The following ST6GALNAC3 variants were observed in gnomAD, a reference collection of about 807,000 sequenced individuals.
ST6GALNAC3 encodes ST6 N-acetylgalactosaminide alpha-2,6-sialyltransferase 3, also known as alpha-N-acetylgalactosaminide alpha-2,6-sialyltransferase 3.
In ST6GALNAC3, 25 loss-of-function variants were observed where a neutral mutation model predicts 32.7. The ratio of observed to expected loss-of-function variants is 0.76; its 90% CI spans 0.56 to 1.07. The LOEUF (loss-of-function observed/expected upper bound fraction) is 1.07. Among genes scored for constraint, ST6GALNAC3 ranks in the 50% least tolerant of loss-of-function variants. The pLI, the probability that ST6GALNAC3 is intolerant of heterozygous loss-of-function variation, is 0.00. For missense variants in ST6GALNAC3, 355 were observed against 382.4 expected (o/e 0.93, Z 0.60); for synonymous variants, 129 against 133.1 (o/e 0.97, Z 0.21).
intron 3 of ST6GALNAC3, among the ~76,000 whole-genome samples, chr1:76,534,295 A>G (rs987763896): frequency 2.0e-5 from 3 of 152,018 alleles, no homozygotes; most frequent in East Asian, 1.9e-4. Flanking sequence ...CACCCGCCTC[A>G]ACCTCCCAAA....
At chr1:76,250,545 C>A (rs368455864) in intron 1 of ST6GALNAC3, among the ~76,000 whole-genome samples, 24 of 152,272 alleles carry the variant, frequency 1.6e-4, no homozygotes, top group African/African-American at 5.8e-4. Context: ...CAGGAGGAAA[C>A]CTGAATTTCA....
chr1:76,083,772 C>CT (rs1003764919), intron 1 of ST6GALNAC3, among the ~76,000 whole-genome samples: 26 of 151,362 alleles, frequency 1.7e-4, no homozygotes, highest in South Asian at 4.2e-4. Flanking sequence ...ATATTTATAT[C>CT]TTTTTTTTTA....
At chr1:76,388,447 C>T (rs1241319621) in intron 2 of ST6GALNAC3, among the ~76,000 whole-genome samples, 1 of 152,170 alleles carries the variant, frequency 6.6e-6, no homozygotes, top group African/African-American at 2.4e-5. Context: ...AGAGGAAAAG[C>T]ACCACAGGAC....
Position 76,385,793 on chromosome 1 carries a change from T to A in ST6GALNAC3, c.214-26215T>A, listed in dbSNP as rs145890686. On this transcript the variant is annotated intron_variant, in intron 2 of 4. Transcript: ENST00000328299. ...GTGGGTGAGGATGAGCTTACATTGA[T>A]GACAAGTTTGGCTTATGAACTAGGA... 1.9e-4 allele frequency among the ~76,000 whole-genome samples: 29 copies of A among 152,220 alleles called. No individual in the cohort carries two copies. In the East Asian group the frequency reaches 5.6e-3, roughly 29 times the overall value.
rs1649427355 is a variant in ST6GALNAC3, at chr1:76,634,088, G to A, written c.*5282G>A. On this transcript the variant is annotated 3_prime_UTR_variant, in exon 5 of 5. Transcript: ENST00000328299. Reference sequence around the variant, plus strand: ...ACTTGTTTGTTTCTTTTCAGAATAGGCACTTTTTTTTGAGTAGAAAACCTC... The same window carrying A: ...ACTTGTTTGTTTCTTTTCAGAATAGACACTTTTTTTTGAGTAGAAAACCTC... 1.1e-6 allele frequency: 1 copy of A among 892,846 alleles called. No homozygotes were observed. The allele number at this position is 892,846 out of a possible 1,614,324, so 55.3% of individuals were successfully genotyped here. A position where few individuals can be genotyped will look rare whatever the true frequency, so the allele number is the denominator to read the frequency against.
intron 2 of ST6GALNAC3, among the ~76,000 whole-genome samples, chr1:76,360,055 A>G (rs910919297): frequency 3.9e-5 from 6 of 152,228 alleles, no homozygotes; most frequent in African/African-American, 1.4e-4. Context: ...ATAGTTAATA[A>G]GAGCTACCAT....
At chr1:76,155,163 A>C (rs184781590) in intron 1 of ST6GALNAC3, among the ~76,000 whole-genome samples, 19 of 152,220 alleles carry the variant, frequency 1.2e-4, no homozygotes, top group African/African-American at 4.1e-4. Flanking sequence ...AGGGTCTAGA[A>C]GTGGTTGTTG....
rs1335590722 is a variant in ST6GALNAC3 at position 76,184,519 on chromosome 1, G to GCGCGCACACACACA, written c.18+109636_18+109637insGCGCACACACACAC. On this transcript the variant is annotated intron_variant, in intron 1 of 4. Coordinates refer to ENST00000328299, the MANE Select transcript of ST6GALNAC3 (RefSeq NM_152996.4). ...GTGCCACTGCATTCCCTCCTGGGCA[G>GCGCGCACACACACA]CACACACACACACACACACACACAC... Among the ~76,000 whole-genome samples, 51 of 134,174 alleles carry GCGCGCACACACACA rather than the reference G, an allele frequency of 3.8e-4. 1 individual carries two copies. The highest frequency in any genetic ancestry group is 1.4e-3 in the African/African-American group (48 of 34,798). The allele number at this position is 134,174 out of a possible 152,430, so 88.0% of individuals were successfully genotyped here. A position where few individuals can be genotyped will look rare whatever the true frequency, so the allele number is the denominator to read the frequency against.
intron 3 of ST6GALNAC3, among the ~76,000 whole-genome samples, chr1:76,517,034 T>C (rs1662214676): frequency 6.6e-6 from 1 of 151,974 alleles, no homozygotes; most frequent in Non-Finnish European, 1.5e-5. Flanking sequence ...GTGAGACAGA[T>C]TCCAATTAAT....
chr1:76,285,225 A>C (rs1327038179), intron 1 of ST6GALNAC3, among the ~76,000 whole-genome samples: 1 of 152,226 alleles, frequency 6.6e-6, no homozygotes, highest in Non-Finnish European at 1.5e-5. Flanking sequence ...TTCCAACATA[A>C]GAAAGAGACA....
chr1:76,362,033 GAA>G (rs1206893448), intron 2 of ST6GALNAC3, among the ~76,000 whole-genome samples: 1 of 150,886 alleles, frequency 6.6e-6, no homozygotes, highest in Admixed American at 6.6e-5. Flanking sequence ...AATTTATAAA[GAA>G]AAGAGGTTTA....
intron 1 of ST6GALNAC3, among the ~76,000 whole-genome samples, chr1:76,254,956 C>A (rs1218791951): frequency 1.3e-5 from 2 of 151,686 alleles, no homozygotes; most frequent in Admixed American, 1.3e-4. Context: ...CTTGTATAGG[C>A]TAAAGCACAG....
chr1:76,169,938 AG>A (rs1415976511), intron 1 of ST6GALNAC3, among the ~76,000 whole-genome samples: 3 of 152,150 alleles, frequency 2.0e-5, no homozygotes, highest in Non-Finnish European at 4.4e-5. Context: ...TTGAATTTTC[AG>A]GGTTCTTGCA....
At chr1:76,457,213 C>G (rs1318999380) in intron 3 of ST6GALNAC3, among the ~76,000 whole-genome samples, 1 of 152,002 alleles carries the variant, frequency 6.6e-6, no homozygotes, top group African/African-American at 2.4e-5. Context: ...AGGATACAAA[C>G]AAATGGAAGA....
At chr1:76,323,862 A>G (rs1647016846) in intron 2 of ST6GALNAC3, among the ~76,000 whole-genome samples, 1 of 151,978 alleles carries the variant, frequency 6.6e-6, no homozygotes, top group Admixed American at 6.6e-5. Flanking sequence ...ATTTATTACT[A>G]GAATTTTTTT....
At chr1:76,221,455 A>G (rs954738041) in intron 1 of ST6GALNAC3, among the ~76,000 whole-genome samples, 5 of 152,120 alleles carry the variant, frequency 3.3e-5, no homozygotes, top group Admixed American at 6.6e-5. Context: ...TAGACATTTG[A>G]GATTACATAC....
At chr1:76,536,833 A>G (rs1322426891) in intron 3 of ST6GALNAC3, among the ~76,000 whole-genome samples, 1 of 152,172 alleles carries the variant, frequency 6.6e-6, no homozygotes, top group East Asian at 1.9e-4. Flanking sequence ...CCAGATTCAT[A>G]AAACAAGTTC....
chr1:76,211,600 G>T (rs1570451234), intron 1 of ST6GALNAC3, among the ~76,000 whole-genome samples: 1 of 71,182 alleles, frequency 1.4e-5, no homozygotes, highest in South Asian at 9.3e-4. Flanking sequence ...GGAATACTAT[G>T]CAGCCATAAA....
chr1:76,598,961 A>G (rs1412324010), intron 3 of ST6GALNAC3, among the ~76,000 whole-genome samples: 1 of 152,212 alleles, frequency 6.6e-6, no homozygotes, highest in East Asian at 1.9e-4. Flanking sequence ...AGAGAAAATA[A>G]CGATGAAACT....
Sources: gnomAD v4.1 joint callset for allele counts (sites outside exome capture counted in the v4.1 genomes callset) on GRCh38, gnomAD v4.1.1 for gene constraint, MANE v1.5 for transcripts, NCBI Gene and HGNC (gene_info 2026-07-23, HGNC 2026-07-21) for gene names.